STPG1: variants seen among roughly 807,000 people sequenced by gnomAD.
The protein encoded by STPG1 is sperm tail PG-rich repeat containing 1.
In STPG1, 33 loss-of-function variants were observed where a neutral mutation model predicts 40.1. That is an observed-to-expected ratio of 0.82 (90% CI 0.62 to 1.10). The LOEUF (loss-of-function observed/expected upper bound fraction) is 1.10. STPG1 is among the 50% of genes least tolerant of loss of function. The pLI, the probability that STPG1 is intolerant of heterozygous loss-of-function variation, is 0.00. For synonymous variants in STPG1, 150 were observed against 155.0 expected (o/e 0.97, Z 0.24); for missense variants, 396 against 415.1 (o/e 0.95, Z 0.40).
rs1167539333 is a variant in STPG1, at chr1:24,361,026, C to G, written c.753G>C (p.Leu251=). 1.9e-6 allele frequency: 3 copies of G among 1,609,150 alleles called. No individual in the cohort carries two copies. The highest frequency in any genetic ancestry group is 1.1e-5 in the South Asian group (1 of 90,282). Residue 251 remains leucine (L), a synonymous_variant, in exon 8 of 9, where the codon CTG becomes CTC. Coordinates refer to ENST00000337248, the MANE Select transcript of STPG1 (RefSeq NM_001199013.2). ...KKTLFPKNPI[L]NFSAQPSPLP... ...GAGGCGAAGGCTGAGCAGAGAAGTT[C>G]AGGATGGGGTTTTTCCTTTGGGAAA...
chr1:24,414,529 A>C, upstream of STPG1: 1 of 134,088 alleles, frequency 7.5e-6, no homozygotes, highest in Non-Finnish European at 1.6e-5. Context: ...GTGAAATCCA[A>C]GCTTTTTTTT....
At chr1:24,372,729 A>G (rs1039923192) in intron 6 of STPG1, among the ~76,000 whole-genome samples, 1 of 152,218 alleles carries the variant, frequency 6.6e-6, no homozygotes, top group Non-Finnish European at 1.5e-5. Flanking sequence ...GAAATCTCAC[A>G]TGCACTACAA....
rs763364337 is a variant in STPG1 at position 24,360,964 on chromosome 1, TACTG to T, written c.811_814del (p.Gln271MetfsTer7). On this transcript the variant is annotated frameshift_variant, in exon 8 of 9. Coordinates refer to ENST00000337248, the MANE Select transcript of STPG1 (RefSeq NM_001199013.2). LOFTEE classifies it high-confidence loss of function. Reference sequence around the variant, plus strand: ...GGGGCCTAAGTAGTCCACGATCTCATACTGACCAGGACCTGGGAAAGGTGGCTTC... The same window carrying T: ...GGGGCCTAAGTAGTCCACGATCTCATACCAGGACCTGGGAAAGGTGGCTTC... The T allele has an allele frequency of 1.9e-5, 31 of 1,614,062 alleles. No homozygotes were observed. Among genetic ancestry groups the T allele is most frequent in the Middle Eastern group, 3.3e-4 (2 of 6,062 alleles).
chr1:24,391,416 C>A (rs1436193163), intron 3 of STPG1, 145 bp downstream of exon 3: 1 of 540,172 alleles, frequency 1.9e-6, no homozygotes, highest in Non-Finnish European at 3.3e-6. Flanking sequence ...AGTCGGTGCC[C>A]CTCAGTGGAG....
intron 2 of STPG1, among the ~76,000 whole-genome samples, chr1:24,396,277 A>T (rs577660445): frequency 2.0e-4 from 19 of 94,660 alleles, no homozygotes; most frequent in African/African-American, 7.3e-4. Flanking sequence ...ATAGCTATCT[A>T]TCTATCTATC....
At chr1:24,374,098 C>T (rs1016668321) in intron 5 of STPG1, among the ~76,000 whole-genome samples, 4 of 152,142 alleles carry the variant, frequency 2.6e-5, no homozygotes, top group African/African-American at 9.7e-5. Flanking sequence ...CTGCTAAGGA[C>T]AGGCTGTGTG....
At position 24,357,814 on chromosome 1, in the gene STPG1, T is replaced by C. The variant is rs74060309; in HGVS notation, c.*729A>G. On this transcript the variant is annotated 3_prime_UTR_variant, in exon 9 of 9. Coordinates refer to ENST00000337248, the MANE Select transcript of STPG1 (RefSeq NM_001199013.2). ...GCCTAGACAGGCCATGTGGACTCCA[T>C]GGAAGGGCCTGTAAGCCTTGAGAAA... 0.037 allele frequency: 10,384 copies of C among 280,532 alleles called. 997 individuals carry two copies. Among genetic ancestry groups the C allele is most frequent in the African/African-American group, 0.21 (9,423 of 45,846 alleles). The allele number at this position is 280,532 out of a possible 1,614,324, so 17.4% of individuals were successfully genotyped here. A position where few individuals can be genotyped will look rare whatever the true frequency, so the allele number is the denominator to read the frequency against.
intron 1 of STPG1, among the ~76,000 whole-genome samples, chr1:24,409,012 A>G (rs1033386234): frequency 1.3e-5 from 2 of 152,220 alleles, no homozygotes; most frequent in Non-Finnish European, 2.9e-5. Flanking sequence ...ACAGAAACAA[A>G]TCAATAATGA....
intron 1 of STPG1, 98 bp downstream of exon 1, chr1:24,413,576 G>A (rs1426824822): frequency 6.6e-6 from 1 of 152,352 alleles, no homozygotes; most frequent in African/African-American, 2.4e-5. Context: ...CCGGAGGCCG[G>A]GGGGTCTCCG....
intron 4 of STPG1, among the ~76,000 whole-genome samples, chr1:24,383,545 T>C (rs930498334): frequency 6.6e-6 from 1 of 152,206 alleles, no homozygotes; most frequent in Non-Finnish European, 1.5e-5. Context: ...AGATTAAGCA[T>C]TGTAAAAATC....
chr1:24,361,653 C>T (rs1171733605), intron 7 of STPG1, among the ~76,000 whole-genome samples: 10 of 152,176 alleles, frequency 6.6e-5, no homozygotes, highest in African/African-American at 1.2e-4. Context: ...GGAAAAGCAC[C>T]GGGCTGGAAA....
intron 1 of STPG1, among the ~76,000 whole-genome samples, chr1:24,405,353 ATTTTTCT>A (rs1417547406): frequency 6.6e-6 from 1 of 151,746 alleles, no homozygotes; most frequent in Non-Finnish European, 1.5e-5. Flanking sequence ...TTGTGTTTTC[ATTTTTCT>A]TTCAGTTTAA....
intron 3 of STPG1, among the ~76,000 whole-genome samples, chr1:24,386,878 C>T (rs977742534): frequency 2.0e-5 from 3 of 152,178 alleles, no homozygotes; most frequent in Non-Finnish European, 4.4e-5. Flanking sequence ...GGGAAGAGAA[C>T]TCGCATTTAC....
intron 7 of STPG1, chr1:24,364,586 A>C (rs951965536): frequency 3.8e-6 from 3 of 787,340 alleles, no homozygotes; most frequent in Non-Finnish European, 5.2e-6. Flanking sequence ...CATTTGCTGA[A>C]GTGCAGAGAA....
At chr1:24,380,820 A>G (rs1642251231) in intron 4 of STPG1, among the ~76,000 whole-genome samples, 1 of 152,180 alleles carries the variant, frequency 6.6e-6, no homozygotes, top group East Asian at 1.9e-4. Flanking sequence ...CCTCTTCAGT[A>G]ATGGGAAGTT....
At chr1:24,401,238 A>G in intron 2 of STPG1, 81 bp downstream of exon 2, 1 of 1,268,896 alleles carries the variant, frequency 7.9e-7, no homozygotes, top group Non-Finnish European at 1.1e-6. Context: ...CCCAGGACTT[A>G]CTATTCCCCC....
At chr1:24,406,422 A>G (rs1643418599) in intron 1 of STPG1, among the ~76,000 whole-genome samples, 1 of 152,080 alleles carries the variant, frequency 6.6e-6, no homozygotes, top group Non-Finnish European at 1.5e-5. Context: ...TTTTAAGGAA[A>G]TTAAAATAAG....
rs950176606 is a variant in STPG1, at chr1:24,399,985, C to G, written c.70+1334G>C. ...TTTGGCAATATCAACTAAGCTTACCCTAAACATACCCTATGACCCAGCAGT... is the reference window on the plus strand; with the variant it reads ...TTTGGCAATATCAACTAAGCTTACCGTAAACATACCCTATGACCCAGCAGT... On this transcript the variant is annotated intron_variant, in intron 2 of 8. Coordinates refer to ENST00000337248, the MANE Select transcript of STPG1 (RefSeq NM_001199013.2). This position sits in a 1 kb window ranked among gnomAD's most constrained non-coding sequence, Gnocchi z 4.0. Among the ~76,000 whole-genome samples, 9 of 152,254 alleles carry G rather than the reference C, an allele frequency of 5.9e-5. No individual in the cohort carries two copies. The East Asian group carries it at 1.7e-3, about 29-fold the overall frequency.
At chr1:24,361,306 C>G (rs1391910411) in intron 7 of STPG1, among the ~76,000 whole-genome samples, 1 of 152,166 alleles carries the variant, frequency 6.6e-6, no homozygotes, top group East Asian at 1.9e-4. Context: ...ACACAGTACT[C>G]AGGATAGGCC....
Sources: allele counts gnomAD v4.1 joint callset (sites outside exome capture counted in the v4.1 genomes callset), GRCh38; gene constraint gnomAD v4.1.1; non-coding constraint Gnocchi (gnomAD v3.1); transcripts MANE v1.5; gene names NCBI Gene and HGNC (gene_info 2026-07-23, HGNC 2026-07-21).